RELN: variants seen among roughly 807,000 people sequenced by gnomAD.
RELN encodes reelin.
Under a neutral mutation model 427.6 loss-of-function variants are expected in RELN, and 108 were observed. The ratio of observed to expected loss-of-function variants is 0.25; its 90% CI spans 0.22 to 0.30. The LOEUF (loss-of-function observed/expected upper bound fraction) is 0.30. Among genes scored for constraint, RELN ranks in the 10% least tolerant of loss-of-function variants. RELN has a pLI of 1.00. For synonymous variants in RELN, 1,524 were observed against 1,513.4 expected, an observed-to-expected ratio of 1.01 and a Z score of -0.16; for missense variants, 3,715 against 4,302.8, an observed-to-expected ratio of 0.86 and a Z score of 3.82.
chr7:103,901,300 C>T (rs1245111209), intron 2 of RELN, among the ~76,000 whole-genome samples: 1 of 151,982 alleles, frequency 6.6e-6, no homozygotes, highest in Non-Finnish European at 1.5e-5. Flanking sequence ...TCATACATTG[C>T]TAGTGAGAAT....
chr7:103,981,175 C>G (rs1054048087), intron 1 of RELN, among the ~76,000 whole-genome samples: 2 of 152,140 alleles, frequency 1.3e-5, no homozygotes, highest in African/African-American at 2.4e-5. Flanking sequence ...TGGGGCAGAG[C>G]TCACATTCAC....
chr7:103,641,555 T>C (rs1002006592), intron 16 of RELN, among the ~76,000 whole-genome samples: 1 of 152,182 alleles, frequency 6.6e-6, no homozygotes, highest in Non-Finnish European at 1.5e-5. Context: ...CAGATAATCC[T>C]GGCTTCAAAT....
intron 11 of RELN, among the ~76,000 whole-genome samples, chr7:103,679,283 T>C (rs1415958077): frequency 1.3e-5 from 2 of 152,210 alleles, no homozygotes; most frequent in East Asian, 1.9e-4. Context: ...GCCAACTTCA[T>C]AGCTAGGCCA....
Position 103,989,267 on chromosome 7 carries a change from G to A in RELN, c.90C>T (p.Tyr30=), listed in dbSNP as rs760806926. 4 of 1,613,626 alleles carry A rather than the reference G, an allele frequency of 2.5e-6. No individual in the cohort carries two copies. Among genetic ancestry groups the A allele is most frequent in the African/African-American group, 1.3e-5 (1 of 75,032 alleles). ...GGAAAAAGAAGGGCGAAAAGCGGGG[G>A]TAATAGCCAGCCGCCGCGCGCGCCC... The part of the protein sequence containing the change: ...TLRARAAAGY[Y]PRFSPFFFLC... The change falls in exon 1 of 65, where the codon TAC becomes TAT. Residue 30 remains tyrosine (Y), a synonymous_variant. Transcript: ENST00000428762. This position sits in a 1 kb window ranked among gnomAD's most constrained non-coding sequence, Gnocchi z 4.9.
At chr7:103,695,526 CGAA>C (rs1167185749) in intron 10 of RELN, among the ~76,000 whole-genome samples, 2 of 151,914 alleles carry the variant, frequency 1.3e-5, no homozygotes, top group Non-Finnish European at 2.9e-5. Context: ...AAATTACTAC[CGAA>C]GCAAAACCAC....
intron 11 of RELN, among the ~76,000 whole-genome samples, chr7:103,668,536 AC>A (rs1177513545): frequency 6.6e-6 from 1 of 152,162 alleles, no homozygotes; most frequent in Non-Finnish European, 1.5e-5. Context: ...TGATTTTCTT[AC>A]AGTTGTAAAA....
At position 103,964,639 on chromosome 7, in the gene RELN, CT is replaced by C. The variant is rs1039780955; in HGVS notation, c.226+24491del. The stretch of plus-strand genomic sequence containing the variant: ...ATGACAAACTTTTATTTGCTTCCCC[CT>C]TTTTATGATCCAAAATTTAAAGTAA... On this transcript the variant is annotated intron_variant, in intron 1 of 64. Transcript: ENST00000428762. Among the ~76,000 whole-genome samples, 38 of 152,208 alleles carry C rather than the reference CT, an allele frequency of 2.5e-4. 1 individual carries two copies. The highest frequency in any genetic ancestry group is 7.3e-5 in the Non-Finnish European group (5 of 68,036).
chr7:103,926,747 C>T (rs1226476905), intron 1 of RELN, among the ~76,000 whole-genome samples: 2 of 150,564 alleles, frequency 1.3e-5, no homozygotes, highest in Non-Finnish European at 1.5e-5. Flanking sequence ...CGGGTTCACG[C>T]CATTTTCCTG....
intron 2 of RELN, among the ~76,000 whole-genome samples, chr7:103,851,661 T>C (rs1793824938): frequency 6.6e-6 from 1 of 152,196 alleles, no homozygotes; most frequent in Non-Finnish European, 1.5e-5. Context: ...GTATCAATGC[T>C]TTTTCTGCCA....
chr7:103,872,203 TC>T (rs1794361849), intron 2 of RELN, among the ~76,000 whole-genome samples: 1 of 101,068 alleles, frequency 9.9e-6, no homozygotes, highest in African/African-American at 3.6e-5. Context: ...CCCAATGCTA[TC>T]CCTCCCCCCT....
chr7:103,627,116 G>A (rs1357005564), intron 20 of RELN, among the ~76,000 whole-genome samples: 1 of 152,014 alleles, frequency 6.6e-6, no homozygotes, highest in African/African-American at 2.4e-5. Flanking sequence ...TGAACAACCA[G>A]CTGAGAAAAA....
At chr7:103,679,827 T>C (rs1833616076) in intron 11 of RELN, among the ~76,000 whole-genome samples, 1 of 152,202 alleles carries the variant, frequency 6.6e-6, no homozygotes, top group Admixed American at 6.5e-5. Flanking sequence ...GCTATGTTTC[T>C]GGACTAGTAC....
chr7:103,615,495 C>CCTA (rs1464090603), intron 20 of RELN, among the ~76,000 whole-genome samples: 1 of 152,174 alleles, frequency 6.6e-6, no homozygotes, highest in Non-Finnish European at 1.5e-5. Flanking sequence ...CAGAACCTTG[C>CCTA]CTACAACTCA....
chr7:103,833,768 T>TACCCAAAGTGTCTGCCATACGTACAG, intron 2 of RELN, 96 bp from the exon 3 acceptor site: 1 of 1,227,038 alleles, frequency 8.1e-7, no homozygotes, highest in Non-Finnish European at 1.2e-6. Context: ...TCTTTCATGT[T>TACCCAAAGTGTCTGCCATACGTACAG]AAGGTTCTAT....
At chr7:103,966,631 G>T (rs1464424175) in intron 1 of RELN, among the ~76,000 whole-genome samples, 1 of 152,310 alleles carries the variant, frequency 6.6e-6, no homozygotes, top group East Asian at 1.9e-4. Context: ...ACAACGCAGA[G>T]CTAAATAGTT....
At chr7:103,749,611 C>G (rs1236819089) in intron 5 of RELN, 107 bp from the exon 6 acceptor site, 2 of 840,472 alleles carry the variant, frequency 2.4e-6, no homozygotes, top group Non-Finnish European at 4.0e-6. Flanking sequence ...TATCCTAAAA[C>G]TAAATTTTAA....
chr7:103,514,664 A>AAT (rs1369377862), intron 50 of RELN, among the ~76,000 whole-genome samples: 2 of 152,146 alleles, frequency 1.3e-5, no homozygotes, highest in East Asian at 3.9e-4. Context: ...ACTTAAAAAA[A>AAT]AGAGAGGAGT....
At chr7:103,542,209 G>A (rs906584196) in intron 43 of RELN, among the ~76,000 whole-genome samples, 2 of 152,186 alleles carry the variant, frequency 1.3e-5, no homozygotes, top group African/African-American at 4.8e-5. Context: ...ATGTGTGAGT[G>A]AATCATTGGA....
chr7:103,953,000 T>C (rs1796363896), intron 1 of RELN, among the ~76,000 whole-genome samples: 1 of 152,174 alleles, frequency 6.6e-6, no homozygotes, highest in South Asian at 2.1e-4. Flanking sequence ...TACTCCTCTA[T>C]AATCTCATAG....
Sources: gnomAD v4.1 joint callset for allele counts (sites outside exome capture counted in the v4.1 genomes callset) on GRCh38, gnomAD v4.1.1 for gene constraint, Gnocchi (gnomAD v3.1) non-coding constraint, MANE v1.5 for transcripts, NCBI Gene and HGNC (gene_info 2026-07-23, HGNC 2026-07-21) for gene names.